Variants in PIP5K1B observed in about 807,000 individuals in gnomAD.
The protein encoded by PIP5K1B is phosphatidylinositol-4-phosphate 5-kinase type 1 beta.
Under a neutral mutation model 67.0 loss-of-function variants are expected in PIP5K1B, and 42 were observed. The observed-to-expected ratio is 0.63, with a 90% CI of 0.49 to 0.81. PIP5K1B has a LOEUF of 0.81. Among genes scored for constraint, PIP5K1B ranks in the 30% least tolerant of loss-of-function variants. The probability of loss-of-function intolerance (pLI) is 0.00; values close to 1 mark genes in which losing one functional copy is unlikely to be tolerated. For synonymous variants in PIP5K1B, 214 were observed against 231.4 expected, an observed-to-expected ratio of 0.92 and a Z score of 0.68; for missense variants, 459 against 646.3, an observed-to-expected ratio of 0.71 and a Z score of 3.14.
At chr9:68,738,998 T>C (rs534705768) in intron 1 of PIP5K1B, among the ~76,000 whole-genome samples, 53 of 152,322 alleles carry the variant, frequency 3.5e-4, no homozygotes, top group African/African-American at 1.1e-3. Flanking sequence ...GGCTTTACCA[T>C]GGGGTCCAGC....
intron 2 of PIP5K1B, among the ~76,000 whole-genome samples, chr9:68,776,517 C>T (rs1409443482): frequency 6.7e-6 from 1 of 149,888 alleles, no homozygotes; most frequent in Non-Finnish European, 1.5e-5. Flanking sequence ...TCTCTCTTGC[C>T]CAGGCTGGTC....
chr9:68,849,770 A>G lies in PIP5K1B; in HGVS notation c.70-14067A>G, dbSNP rs78249151. On this transcript the variant is annotated intron_variant, in intron 4 of 15. Transcript: ENST00000265382. ...AGTTGACAGTAGTTAACCCTCAAGA[A>G]TAAGTGTGAGAAGGGCACATTGGTG... 3.9e-3 allele frequency among the ~76,000 whole-genome samples: 592 copies of G among 152,336 alleles called. 25 individuals are homozygous for G. The East Asian group carries it at 0.09, about 23-fold the overall frequency.
At chr9:68,995,226 G>GGAGA (rs1564303192) in intron 15 of PIP5K1B, among the ~76,000 whole-genome samples, 1 of 99,572 alleles carries the variant, frequency 1.0e-5, no homozygotes, top group Admixed American at 1.0e-4. Context: ...GGAGGGGAGG[G>GGAGA]GAGAAAGAAA....
At chr9:68,851,533 A>G (rs1587555105) in intron 4 of PIP5K1B, among the ~76,000 whole-genome samples, 1 of 152,234 alleles carries the variant, frequency 6.6e-6, no homozygotes, top group Non-Finnish European at 1.5e-5. Context: ...AAAGTCACGT[A>G]TGAAATGATT....
At chr9:68,959,131 A>G (rs73443531) in intron 14 of PIP5K1B, among the ~76,000 whole-genome samples, 1,547 of 152,278 alleles carry the variant, frequency 0.01, 25 homozygotes, top group African/African-American at 0.035. Flanking sequence ...CTGCTTTGTG[A>G]ATTCATTTTC....
intron 14 of PIP5K1B, among the ~76,000 whole-genome samples, chr9:68,966,353 A>G (rs1053680331): frequency 1.3e-5 from 2 of 152,220 alleles, no homozygotes; most frequent in African/African-American, 4.8e-5. Context: ...CCTTTGCAGT[A>G]GAGAAGCCTG....
chr9:68,904,798 C>T (rs1415627560), intron 8 of PIP5K1B, among the ~76,000 whole-genome samples: 2 of 150,648 alleles, frequency 1.3e-5, no homozygotes, highest in African/African-American at 4.9e-5. Context: ...AAAGTATTAT[C>T]AAAATTTCTA....
At chr9:68,816,310 G>A (rs1019965907) in intron 2 of PIP5K1B, among the ~76,000 whole-genome samples, 1 of 152,002 alleles carries the variant, frequency 6.6e-6, no homozygotes. Flanking sequence ...TGTATTTTTG[G>A]TAGAGACAGG....
chr9:68,905,234 A>G (rs11144215), intron 8 of PIP5K1B, among the ~76,000 whole-genome samples: 14,474 of 152,142 alleles, frequency 0.095, 844 homozygotes, highest in Non-Finnish European at 0.14. Flanking sequence ...CCTGTTGAGA[A>G]TCCTGGGAGT....
intron 4 of PIP5K1B, among the ~76,000 whole-genome samples, chr9:68,835,748 T>A (rs541241276): frequency 6.6e-6 from 1 of 152,134 alleles, no homozygotes; most frequent in South Asian, 2.1e-4. Context: ...GAAGGTTGTT[T>A]CAAAAAGCAG....
chr9:68,968,715 A>ATATATATATT (rs779031015), intron 14 of PIP5K1B, among the ~76,000 whole-genome samples: 32 of 142,224 alleles, frequency 2.2e-4, no homozygotes, highest in African/African-American at 8.1e-4. Flanking sequence ...ATATATATAT[A>ATATATATATT]TTTTTTTTTT....
intron 2 of PIP5K1B, among the ~76,000 whole-genome samples, chr9:68,769,813 C>T (rs1023246519): frequency 1.3e-5 from 2 of 152,188 alleles, no homozygotes; most frequent in African/African-American, 4.8e-5. Flanking sequence ...CATGACATTG[C>T]TTGCTTTCCT....
intron 2 of PIP5K1B, chr9:68,780,072 C>T (rs570539400): frequency 2.8e-6 from 4 of 1,424,208 alleles, no homozygotes; most frequent in Admixed American, 6.0e-5. Flanking sequence ...GACAGATTCT[C>T]GGTGGCGGCG....
chr9:68,932,809 T>C (rs1176706232), intron 12 of PIP5K1B, among the ~76,000 whole-genome samples: 1 of 152,094 alleles, frequency 6.6e-6, no homozygotes, highest in Non-Finnish European at 1.5e-5. Context: ...ATTTAGAAGT[T>C]TTAAAATACA....
chr9:68,829,720 A>G lies in PIP5K1B; in HGVS notation c.69+7037A>G, dbSNP rs370343981. On this transcript the variant is annotated intron_variant, in intron 4 of 15. Coordinates refer to ENST00000265382, the MANE Select transcript of PIP5K1B (RefSeq NM_003558.4). ...TAGGCATTTTTCCTAGTTGTTGTGA[A>G]CCTTAATTTTTCTCATTGATAAAAT... Among the ~76,000 whole-genome samples, 11 of 152,188 alleles carry G rather than the reference A, an allele frequency of 7.2e-5. No homozygotes were observed. In the East Asian group the frequency reaches 1.3e-3, roughly 19 times the overall value.
chr9:68,906,168 G>A (rs1018858389), intron 8 of PIP5K1B, among the ~76,000 whole-genome samples: 1 of 152,088 alleles, frequency 6.6e-6, no homozygotes, highest in Admixed American at 6.6e-5. Context: ...ACAAGCACAT[G>A]CCACCACACT....
chr9:68,950,911 A>G lies in PIP5K1B; in HGVS notation c.1502+10121A>G, dbSNP rs774954177. Among the ~76,000 whole-genome samples the G allele has an allele frequency of 9.1e-4, 139 of 152,338 alleles. 1 individual carries two copies. The highest frequency in any genetic ancestry group is 9.6e-4 in the Non-Finnish European group (65 of 68,028). ...AATTTCACTGGGGAAGTCCACTAAC[A>G]TAAACCTGCTGCTGAGGACTCATTC... On this transcript the variant is annotated intron_variant, in intron 14 of 15. Coordinates refer to ENST00000265382, the MANE Select transcript of PIP5K1B (RefSeq NM_003558.4).
At chr9:68,880,600 C>G (rs944139540) in intron 6 of PIP5K1B, among the ~76,000 whole-genome samples, 1 of 149,804 alleles carries the variant, frequency 6.7e-6, no homozygotes, top group Admixed American at 6.6e-5. Context: ...CATACACACA[C>G]ACACACACAC....
chr9:68,863,299 G>C (rs528846622), intron 4 of PIP5K1B, among the ~76,000 whole-genome samples: 209 of 152,234 alleles, frequency 1.4e-3, no homozygotes, highest in Non-Finnish European at 2.4e-3. Context: ...GGCATAAAAA[G>C]TATGACACAC....
Sources: allele counts gnomAD v4.1 joint callset (sites outside exome capture counted in the v4.1 genomes callset), GRCh38; gene constraint gnomAD v4.1.1; transcripts MANE v1.5; gene names NCBI Gene and HGNC (gene_info 2026-07-23, HGNC 2026-07-21).